Variants in METRNL observed in about 807,000 individuals in gnomAD.
The protein encoded by METRNL is meteorin-like protein.
METRNL carries 9 observed loss-of-function variants against 17.4 expected under a neutral mutation model. That is an observed-to-expected ratio of 0.52 (90% CI 0.31 to 0.90). The LOEUF (loss-of-function observed/expected upper bound fraction) is 0.90. METRNL is among the 40% of genes least tolerant of loss of function. The pLI is 0.05. For missense variants in METRNL, 408 were observed against 430.7 expected (o/e 0.95, Z 0.47); for synonymous variants, 215 against 199.3 (o/e 1.08, Z -0.66).
chr17:83,091,835 C>T (rs2038141068), intron 2 of METRNL, among the ~76,000 whole-genome samples: 1 of 152,202 alleles, frequency 6.6e-6, no homozygotes, highest in Admixed American at 6.5e-5. Context: ...GTTTCTATTG[C>T]GTTAGGAGAC....
At chr17:83,086,975 A>G (rs1424896922) in intron 2 of METRNL, among the ~76,000 whole-genome samples, 1 of 151,784 alleles carries the variant, frequency 6.6e-6, no homozygotes, top group Non-Finnish European at 1.5e-5. Context: ...TGGGTTTGGG[A>G]GAGGCATGGG....
intron 2 of METRNL, among the ~76,000 whole-genome samples, chr17:83,085,734 G>C (rs960329219): frequency 6.6e-6 from 1 of 152,224 alleles, no homozygotes; most frequent in Non-Finnish European, 1.5e-5. Flanking sequence ...TGTGGCGGCC[G>C]GGCCAGTGCT....
chr17:83,087,665 C>T (rs955752857), intron 2 of METRNL, among the ~76,000 whole-genome samples: 3 of 152,176 alleles, frequency 2.0e-5, no homozygotes, highest in Admixed American at 6.5e-5. Flanking sequence ...TGGGCCAGGC[C>T]GGCTCCCCAG....
At position 83,085,235 on chromosome 17, in the gene METRNL, G is replaced by A. The variant is rs145058184; in HGVS notation, c.468G>A (p.Thr156=). The A allele has an allele frequency of 6.8e-4, 1,074 of 1,589,124 alleles. 11 individuals are homozygous for A. The East Asian group carries it at 0.02, about 30-fold the overall frequency. ...AGGGCGGCCTGTTCGTGGAGGCCAC[G>A]CCGCAGCAGGATATCGGCCGGAGGA... ...LEQGGLFVEA[T]PQQDIGRRTT... Residue 156 remains threonine, a synonymous_variant, in exon 2 of 4, where the codon ACG becomes ACA. Transcript: ENST00000320095.
rs187589272 is a variant in METRNL at position 83,086,578 on chromosome 17, A to G, written c.556+1255A>G. On this transcript the variant is annotated intron_variant, in intron 2 of 3. Coordinates refer to ENST00000320095, the MANE Select transcript of METRNL (RefSeq NM_001004431.3). ...CGAAACCTGGAGAAATCCAAGCTCC[A>G]AGTTCAGTCTTTCTAACCGGAGGTA... is the stretch of plus-strand genomic sequence containing the variant. Among the ~76,000 whole-genome samples the G allele has an allele frequency of 3.9e-3, 593 of 152,326 alleles. 7 individuals carry two copies. Among genetic ancestry groups the G allele is most frequent in the Non-Finnish European group, 4.5e-3 (306 of 68,028 alleles).
intron 2 of METRNL, among the ~76,000 whole-genome samples, chr17:83,086,740 TAGAG>T (rs1312167022): frequency 6.6e-6 from 1 of 152,202 alleles, no homozygotes; most frequent in Non-Finnish European, 1.5e-5. Context: ...GTGAGATTCT[TAGAG>T]AGGCTGTGGT....
chr17:83,093,933 G>A (rs1182257454), intron 3 of METRNL, among the ~76,000 whole-genome samples: 5 of 152,284 alleles, frequency 3.3e-5, no homozygotes, highest in East Asian at 3.9e-4. Context: ...GAGCTGCACC[G>A]GGTCTGTCTG....
In METRNL at chr17:83,094,830, A is replaced by G; in HGVS notation, c.*255A>G. 2.6e-6 allele frequency: 1 copy of G among 384,154 alleles called. No homozygotes were observed. Among genetic ancestry groups the G allele is most frequent in the Non-Finnish European group, 4.6e-6 (1 of 217,206 alleles). The allele number at this position is 384,154 out of a possible 1,614,324, so 23.8% of individuals were successfully genotyped here. On this transcript the variant is annotated 3_prime_UTR_variant, in exon 4 of 4. Coordinates refer to ENST00000320095, the MANE Select transcript of METRNL (RefSeq NM_001004431.3). ...TATATTTTTTTTTGGTAAAAAAGAA[A>G]TGTCCATAGGAAACAAATTCCCGTG...
Position 83,079,904 on chromosome 17 carries a change from C to T in METRNL, c.89C>T (p.Pro30Leu), listed in dbSNP as rs1019025144. The change falls in exon 1 of 4, where the codon CCG (proline) becomes CTG (leucine). Residue 30 changes from proline (P) to leucine (L), a missense_variant. By Grantham distance (98) the Pro-to-Leu change is moderately conservative (BLOSUM62 -3). Coordinates refer to ENST00000320095, the MANE Select transcript of METRNL (RefSeq NM_001004431.3). ...PAPGPPPPPL[P>L]LLLLLLAGLL... ...CCGGGCCCGCCCCCGCCGCCGCTCC[C>T]GCTGCTGCTCCTGCTCCTGGCCGGG... The T allele has an allele frequency of 2.1e-5, 21 of 996,158 alleles. No individual in the cohort carries two copies. The highest frequency in any genetic ancestry group is 2.5e-5 in the Non-Finnish European group (21 of 838,440). The allele number at this position is 996,158 out of a possible 1,614,324, so 61.7% of individuals were successfully genotyped here.
At chr17:83,085,864 C>T (rs1489513352) in intron 2 of METRNL, among the ~76,000 whole-genome samples, 2 of 152,232 alleles carry the variant, frequency 1.3e-5, no homozygotes, top group Non-Finnish European at 2.9e-5. Flanking sequence ...GACCCTGAAA[C>T]GTCCATTTTT....
At chr17:83,093,255 C>CCTGTG in intron 3 of METRNL, 29 bp downstream of exon 3, 2 of 1,585,842 alleles carry the variant, frequency 1.3e-6, no homozygotes, top group East Asian at 2.2e-5. Flanking sequence ...GCTTCTACCT[C>CCTGTG]CTGTGCTCCT....
chr17:83,080,575 C>T (rs947273738), intron 1 of METRNL, among the ~76,000 whole-genome samples: 5 of 133,024 alleles, frequency 3.8e-5, no homozygotes, highest in Non-Finnish European at 6.8e-5. Context: ...ACCCCCCCCC[C>T]CCCCACCCGC....
chr17:83,081,087 G>T (rs1400244868), intron 1 of METRNL, among the ~76,000 whole-genome samples: 1 of 151,768 alleles, frequency 6.6e-6, no homozygotes, highest in Non-Finnish European at 1.5e-5. Context: ...GGCGCTGGGG[G>T]GCAGAGTCGC....
At chr17:83,085,454 T>TC in intron 2 of METRNL, 131 bp downstream of exon 2, 1 of 1,254,968 alleles carries the variant, frequency 8.0e-7, no homozygotes, top group Non-Finnish European at 1.1e-6. Context: ...TGTCTGTGCT[T>TC]CGGACATGAC....
intron 3 of METRNL, 100 bp from the exon 4 acceptor site, chr17:83,094,156 C>T (rs887068588): frequency 2.1e-5 from 21 of 1,019,002 alleles, no homozygotes; most frequent in African/African-American, 4.9e-5. Context: ...GTCAGCTGCC[C>T]GTTCCAGTGC....
chr17:83,090,866 G>A (rs2038125159), intron 2 of METRNL, among the ~76,000 whole-genome samples: 2 of 152,222 alleles, frequency 1.3e-5, no homozygotes, highest in South Asian at 4.2e-4. Context: ...GGACGTGAGT[G>A]GTGGTCTGTG....
rs535584428 is a variant in METRNL at position 83,082,279 on chromosome 17, G to T, written c.170+2294G>T. 227 of 985,168 alleles carry T rather than the reference G, an allele frequency of 2.3e-4. 3 individuals carry two copies. The Middle Eastern group carries it at 5.7e-3, about 25-fold the overall frequency. The allele number at this position is 985,168 out of a possible 1,614,324, so 61.0% of individuals were successfully genotyped here. On this transcript the variant is annotated intron_variant, in intron 1 of 3. Coordinates refer to ENST00000320095, the MANE Select transcript of METRNL (RefSeq NM_001004431.3). ...TGCCAGTGGGTTCGAAGCCCTTCCTGACTTTCATACAGGAGCCGGGCATTT... is the reference window on the plus strand; with the variant it reads ...TGCCAGTGGGTTCGAAGCCCTTCCTTACTTTCATACAGGAGCCGGGCATTT...
chr17:83,084,987 C>A lies in METRNL; in HGVS notation c.220C>A (p.Arg74Ser), dbSNP rs762398841. The A allele has an allele frequency of 6.2e-7, 1 of 1,613,806 alleles. No homozygotes were observed. The highest frequency in any genetic ancestry group is 2.2e-5 in the East Asian group (1 of 44,888). ...HRKEVEQVYL[R>S]CAAGAVEWMY... ...GAAGGAGGTGGAGCAGGTGTATCTG[C>A]GCTGTGCGGCGGGTGCCGTGGAGTG... Residue 74 changes from arginine (R) to serine (S), a missense_variant, in exon 2 of 4, where the codon CGC becomes AGC. Coordinates refer to ENST00000320095, the MANE Select transcript of METRNL (RefSeq NM_001004431.3).
intron 2 of METRNL, 40 bp downstream of exon 2, chr17:83,085,363 A>G (rs894979456): frequency 2.0e-6 from 3 of 1,510,000 alleles, no homozygotes; most frequent in South Asian, 1.3e-5. Flanking sequence ...GGGCCTCGTC[A>G]TCACGGGGCT....
Sources: allele counts gnomAD v4.1 joint callset (sites outside exome capture counted in the v4.1 genomes callset), GRCh38; gene constraint gnomAD v4.1.1; transcripts MANE v1.5; gene names NCBI Gene and HGNC (gene_info 2026-07-23, HGNC 2026-07-21).